The following ANK3 variants were observed in gnomAD, a reference collection of about 807,000 sequenced individuals.
ANK3 encodes the protein ankyrin 3.
A neutral mutation model predicts 370.9 loss-of-function variants in ANK3; 57 were observed. That is an observed-to-expected ratio of 0.15 (90% CI 0.12 to 0.19). The LOEUF (loss-of-function observed/expected upper bound fraction) is 0.19. Ranked by LOEUF, ANK3 falls within the 10% of genes least tolerant of loss-of-function variation. The probability of loss-of-function intolerance (pLI) is 1.00; values close to 1 mark genes in which losing one functional copy is unlikely to be tolerated. For synonymous variants in ANK3, 1,929 were observed against 1,946.3 expected, an observed-to-expected ratio of 0.99 and a Z score of 0.23; for missense variants, 4,439 against 5,302.1, an observed-to-expected ratio of 0.84 and a Z score of 5.06.
intron 2 of ANK3, among the ~76,000 whole-genome samples, chr10:60,497,131 G>A (rs2075678983): frequency 6.6e-6 from 1 of 151,988 alleles, no homozygotes; most frequent in South Asian, 2.1e-4. Flanking sequence ...GTGAGATGCT[G>A]TCACTATAAA....
At chr10:60,237,650 G>A (rs2097354473) in intron 7 of ANK3, among the ~76,000 whole-genome samples, 1 of 151,042 alleles carries the variant, frequency 6.6e-6, no homozygotes, top group Admixed American at 6.6e-5. Context: ...TAAGTTTTAG[G>A]GTACATGTGC....
chr10:60,140,491 C>T, intron 23 of ANK3: 1 of 1,571,994 alleles, frequency 6.4e-7, no homozygotes, highest in Non-Finnish European at 8.6e-7. Flanking sequence ...CCACTCTCTT[C>T]ACCACCGCTG....
intron 2 of ANK3, among the ~76,000 whole-genome samples, chr10:60,583,511 G>GT (rs750384975): frequency 0.014 from 1,421 of 100,058 alleles, 285 homozygotes; most frequent in East Asian, 0.036. Context: ...GAGGTTTTTT[G>GT]TTTTTTGTTT....
At chr10:60,113,343 A>G (rs932342927) in intron 26 of ANK3, among the ~76,000 whole-genome samples, 2 of 152,208 alleles carry the variant, frequency 1.3e-5, no homozygotes, top group East Asian at 3.8e-4. Context: ...AATCACACAA[A>G]TCATTTATCA....
chr10:60,308,623 T>A (rs2045705575), intron 1 of ANK3, among the ~76,000 whole-genome samples: 1 of 152,038 alleles, frequency 6.6e-6, no homozygotes, highest in Non-Finnish European at 1.5e-5. Flanking sequence ...GGTCAAGGAC[T>A]CAACAGGCTG....
intron 1 of ANK3, among the ~76,000 whole-genome samples, chr10:60,647,232 T>C (rs1281300849): frequency 6.6e-6 from 1 of 152,238 alleles, no homozygotes; most frequent in African/African-American, 2.4e-5. Flanking sequence ...CCTGAAATGA[T>C]GTAATTTAGG....
At chr10:60,669,939 C>T (rs1284459848) in intron 1 of ANK3, among the ~76,000 whole-genome samples, 1 of 152,146 alleles carries the variant, frequency 6.6e-6, no homozygotes, top group African/African-American at 2.4e-5. Flanking sequence ...CCTCCCACCC[C>T]AGCCTTTCAA....
chr10:60,084,566 C>A, intron 32 of ANK3, 36 bp downstream of exon 32: 1 of 1,527,366 alleles, frequency 6.5e-7, no homozygotes. Context: ...ATCTGGAGTA[C>A]GTAATGAAAT....
chr10:60,444,164 C>A (rs373675589), intron 2 of ANK3, among the ~76,000 whole-genome samples: 1 of 151,358 alleles, frequency 6.6e-6, no homozygotes, highest in Admixed American at 6.6e-5. Flanking sequence ...TACTTCTTAC[C>A]TTATATCCAT....
intron 1 of ANK3, among the ~76,000 whole-genome samples, chr10:60,290,231 C>T (rs956790688): frequency 3.9e-5 from 6 of 152,102 alleles, no homozygotes; most frequent in African/African-American, 1.2e-4. Flanking sequence ...ATTGATATTT[C>T]TCTTTTTAAG....
At chr10:60,149,587 A>G (rs1330658802) in intron 23 of ANK3, among the ~76,000 whole-genome samples, 1 of 152,202 alleles carries the variant, frequency 6.6e-6, no homozygotes. Flanking sequence ...TCTTGGAGGA[A>G]AAAAATATAC....
intron 7 of ANK3, among the ~76,000 whole-genome samples, chr10:60,237,971 C>A (rs1254676435): frequency 6.6e-6 from 1 of 152,190 alleles, no homozygotes; most frequent in Admixed American, 6.5e-5. Flanking sequence ...TCTAGACCCT[C>A]AGGCTGTGGT....
chr10:60,504,173 T>C (rs1298808639), intron 2 of ANK3, among the ~76,000 whole-genome samples: 3 of 152,170 alleles, frequency 2.0e-5, no homozygotes, highest in African/African-American at 4.8e-5. Flanking sequence ...GATGCTTTAA[T>C]ATAGAGATGG....
At chr10:60,505,835 G>GT (rs2075924772) in intron 2 of ANK3, among the ~76,000 whole-genome samples, 1 of 152,024 alleles carries the variant, frequency 6.6e-6, no homozygotes, top group Non-Finnish European at 1.5e-5. Flanking sequence ...CCTCCAAACT[G>GT]TATTTTCCAA....
intron 2 of ANK3, among the ~76,000 whole-genome samples, chr10:60,564,770 C>T (rs10509133): frequency 0.2 from 29,898 of 152,042 alleles, 3,419 homozygotes; most frequent in South Asian, 0.38. Context: ...GATACAGTTA[C>T]GAAGTCTACC....
intron 8 of ANK3, among the ~76,000 whole-genome samples, chr10:60,233,183 G>A (rs953170367): frequency 2.0e-5 from 3 of 152,144 alleles, no homozygotes; most frequent in Non-Finnish European, 4.4e-5. Flanking sequence ...TGCCAGCACA[G>A]TTTACAAACA....
At chr10:60,355,487 TAGG>T (rs1566806854) in intron 1 of ANK3, among the ~76,000 whole-genome samples, 1 of 152,180 alleles carries the variant, frequency 6.6e-6, no homozygotes, top group Non-Finnish European at 1.5e-5. Context: ...TGGACAGAGC[TAGG>T]AGATTGGGCA....
At chr10:60,709,343 A>G (rs2079668754) in intron 1 of ANK3, among the ~76,000 whole-genome samples, 2 of 151,250 alleles carry the variant, frequency 1.3e-5, no homozygotes, top group South Asian at 4.2e-4. Flanking sequence ...ATCTATCTAC[A>G]TAGTTTACCC....
At chr10:60,304,255 A>AAC (rs55989975) in intron 1 of ANK3, among the ~76,000 whole-genome samples, 2,051 of 150,230 alleles carry the variant, frequency 0.014, 52 homozygotes, top group African/African-American at 0.046. Flanking sequence ...AATTGTTCAT[A>AAC]ACACACACAC....
Sources: allele counts gnomAD v4.1 joint callset (sites outside exome capture counted in the v4.1 genomes callset), GRCh38; gene constraint gnomAD v4.1.1; transcripts MANE v1.5; gene names NCBI Gene and HGNC (gene_info 2026-07-23, HGNC 2026-07-21).